The following MRPS11 variants were observed in gnomAD, a reference collection of about 807,000 sequenced individuals.
The protein encoded by MRPS11 is small ribosomal subunit protein uS11m.
A neutral mutation model predicts 24.3 loss-of-function variants in MRPS11; 27 were observed. The ratio of observed to expected loss-of-function variants is 1.11; its 90% CI spans 0.82 to 1.53. The LOEUF (loss-of-function observed/expected upper bound fraction) is 1.53, where lower values mean the gene tolerates loss of function less well. Ranked by LOEUF, MRPS11 falls within the 40% of genes most tolerant of loss-of-function variation. The pLI is 0.00. For synonymous variants in MRPS11, 104 were observed against 98.7 expected (o/e 1.05, Z -0.32); for missense variants, 277 against 256.5 (o/e 1.08, Z -0.55).
rs1361641681 is a variant in MRPS11, at chr15:88,477,076, A to T, written c.477+22A>T. On this transcript the variant is annotated intron_variant, in intron 5 of 5. Transcript: ENST00000325844. This position sits in a 1 kb window ranked among gnomAD's most constrained non-coding sequence, Gnocchi z 5.7. Reference sequence around the variant, plus strand: ...CTTGGTAAGTTACAGTGATTTCCATAGTGTACTTGCCTCCTAGTAAGTGTG... The same window carrying T: ...CTTGGTAAGTTACAGTGATTTCCATTGTGTACTTGCCTCCTAGTAAGTGTG... 2 of 1,611,720 alleles carry T rather than the reference A, an allele frequency of 1.2e-6. No individual in the cohort carries two copies. The highest frequency in any genetic ancestry group is 3.3e-5 in the Admixed American group (2 of 59,912).
chr15:88,474,193 GAA>G (rs976664767), intron 3 of MRPS11, among the ~76,000 whole-genome samples: 5 of 149,122 alleles, frequency 3.4e-5, no homozygotes, highest in African/African-American at 1.0e-4. Context: ...AAATAAAAAA[GAA>G]AAAAAGAGAA....
Position 88,475,269 on chromosome 15 carries a change from A to C in MRPS11, c.411+30A>C, listed in dbSNP as rs771295188. Reference sequence around the variant, plus strand: ...GTGTGTGTTCCTTCTGCTTCCTTCTAGTGTGTGTTTGCTTTCTGCATGGCT... The same window carrying C: ...GTGTGTGTTCCTTCTGCTTCCTTCTCGTGTGTGTTTGCTTTCTGCATGGCT... On this transcript the variant is annotated intron_variant, in intron 4 of 5. Transcript: ENST00000325844. This position sits in a 1 kb window ranked among gnomAD's most constrained non-coding sequence, Gnocchi z 4.1. 6.2e-7 allele frequency: 1 copy of C among 1,613,478 alleles called. No homozygotes were observed. The highest frequency in any genetic ancestry group is 8.5e-7 in the Non-Finnish European group (1 of 1,179,868).
In MRPS11 at chr15:88,475,087, T is replaced by C. The variant is rs1277332075; in HGVS notation, c.282-23T>C. On this transcript the variant is annotated intron_variant, in intron 3 of 5. Transcript: ENST00000325844. The surrounding 1 kb of genome is among the most constrained non-coding windows in gnomAD (Gnocchi z 4.1). ...TTCCCTGAAGAAGAGTTGTATCCTATGTGCTTCTTCTACTTTTCTCAGCAC... is the reference window on the plus strand; with the variant it reads ...TTCCCTGAAGAAGAGTTGTATCCTACGTGCTTCTTCTACTTTTCTCAGCAC... 3.1e-6 allele frequency: 5 copies of C among 1,613,958 alleles called. No homozygotes were observed. The highest frequency in any genetic ancestry group is 4.2e-6 in the Non-Finnish European group (5 of 1,179,852).
In MRPS11 at chr15:88,475,288, C is replaced by T. The variant is rs761835416; in HGVS notation, c.411+49C>T. The T allele has an allele frequency of 2.5e-6, 4 of 1,610,400 alleles. No individual in the cohort carries two copies. The highest frequency in any genetic ancestry group is 1.1e-5 in the South Asian group (1 of 90,708). On this transcript the variant is annotated intron_variant, in intron 4 of 5. Coordinates refer to ENST00000325844, the MANE Select transcript of MRPS11 (RefSeq NM_022839.5). This position sits in a 1 kb window ranked among gnomAD's most constrained non-coding sequence, Gnocchi z 4.1. Reference sequence around the variant, plus strand: ...CCTTCTAGTGTGTGTTTGCTTTCTGCATGGCTCATCACTGAGTGGAGAATC... The same window carrying T: ...CCTTCTAGTGTGTGTTTGCTTTCTGTATGGCTCATCACTGAGTGGAGAATC...
At position 88,475,333 on chromosome 15, in the gene MRPS11, A is replaced by G; in HGVS notation, c.411+94A>G. 1 of 1,541,160 alleles carries G rather than the reference A, an allele frequency of 6.5e-7. No individual in the cohort carries two copies. The highest frequency in any genetic ancestry group is 1.2e-5 in the South Asian group (1 of 82,792). On this transcript the variant is annotated intron_variant, in intron 4 of 5. Transcript: ENST00000325844. The surrounding 1 kb of genome is among the most constrained non-coding windows in gnomAD (Gnocchi z 4.1). Reference sequence around the variant, plus strand: ...AGAATCCTCATTATACTACCCATTCAGAAGCAAGGGTTTGTCATGGCAGCT... The same window carrying G: ...AGAATCCTCATTATACTACCCATTCGGAAGCAAGGGTTTGTCATGGCAGCT...
chr15:88,471,680 T>G (rs550401092), intron 2 of MRPS11, among the ~76,000 whole-genome samples: 33 of 152,328 alleles, frequency 2.2e-4, no homozygotes, highest in African/African-American at 7.5e-4. Context: ...AAGGATTTCT[T>G]AAGGCATTCT....
chr15:88,470,318 C>G (rs1386108173), intron 2 of MRPS11, among the ~76,000 whole-genome samples: 1 of 152,020 alleles, frequency 6.6e-6, no homozygotes, highest in Admixed American at 6.5e-5. Context: ...AAAAAACAAA[C>G]AAGCAAAAAA....
At chr15:88,473,120 T>G (rs990227830) in intron 3 of MRPS11, among the ~76,000 whole-genome samples, 2 of 152,196 alleles carry the variant, frequency 1.3e-5, no homozygotes, top group Non-Finnish European at 2.9e-5. Context: ...TATGATTTAT[T>G]AATACACTAA....
In MRPS11 at chr15:88,467,990, G is replaced by T; in HGVS notation, c.148G>T (p.Glu50Ter). 1 of 1,609,278 alleles carries T rather than the reference G, an allele frequency of 6.2e-7. No homozygotes were observed. Among genetic ancestry groups the T allele is most frequent in the South Asian group, 1.1e-5 (1 of 90,220 alleles). The stretch of plus-strand genomic sequence containing the variant: ...AGACGCTGCGGCCAAGCAGAAAGTT[G>T]AACAGAACGCGGCTCCCAGCCACAC... ...LQDAAAKQKV[E>*]QNAAPSHTKF... Residue 50 changes from glutamate (E) to a stop codon, truncating the protein, a stop_gained, in exon 2 of 6, where the codon GAA becomes TAA. Coordinates refer to ENST00000325844, the MANE Select transcript of MRPS11 (RefSeq NM_022839.5). LOFTEE classifies it high-confidence loss of function.
At chr15:88,471,746 T>C (rs1272480011) in intron 2 of MRPS11, among the ~76,000 whole-genome samples, 1 of 152,222 alleles carries the variant, frequency 6.6e-6, no homozygotes, top group Non-Finnish European at 1.5e-5. Flanking sequence ...ATAACTTAGC[T>C]AGAAATAGCC....
intron 4 of MRPS11, among the ~76,000 whole-genome samples, chr15:88,476,534 G>C (rs970575290): frequency 1.3e-5 from 2 of 152,176 alleles, no homozygotes; most frequent in East Asian, 3.8e-4. Context: ...GGTGAGTCAT[G>C]AATGATTTCT....
chr15:88,476,004 A>G (rs2055814864), intron 4 of MRPS11, among the ~76,000 whole-genome samples: 1 of 152,178 alleles, frequency 6.6e-6, no homozygotes, highest in Non-Finnish European at 1.5e-5. Flanking sequence ...TGGGAGAGAT[A>G]TGATAGTCTA....
intron 2 of MRPS11, among the ~76,000 whole-genome samples, chr15:88,471,808 G>A (rs2055710905): frequency 6.6e-6 from 1 of 152,236 alleles, no homozygotes; most frequent in African/African-American, 2.4e-5. Context: ...AACACAATGT[G>A]TTCACATCTG....
chr15:88,476,990 GAGCTAAACA>G lies in MRPS11; in HGVS notation c.415_423del (p.Ala139_Gln141del), dbSNP rs753975248. On this transcript the variant is annotated inframe_deletion and splice_region_variant, in exon 5 of 6. Transcript: ENST00000325844. ...ACTAACCACTCTGCTTCTCTCCAGA[GAGCTAAACA>G]AAAGGGCGTGATCCACATCCGAGTT... The G allele has an allele frequency of 1.2e-6, 2 of 1,613,814 alleles. No homozygotes were observed. The highest frequency in any genetic ancestry group is 1.7e-6 in the Non-Finnish European group (2 of 1,179,928).
chr15:88,467,826 C>T (rs951994139), intron 1 of MRPS11, 44 bp downstream of exon 1: 2 of 1,613,434 alleles, frequency 1.2e-6, no homozygotes, highest in African/African-American at 1.3e-5. Flanking sequence ...ACCTCCAGGA[C>T]TATGCTCCTA....
In MRPS11 at chr15:88,478,034, T is replaced by G. The variant is rs886161257; in HGVS notation, c.*55T>G. The G allele has an allele frequency of 7.2e-7, 1 of 1,385,984 alleles. No individual in the cohort carries two copies. Among genetic ancestry groups the G allele is most frequent in the Non-Finnish European group, 1.0e-6 (1 of 973,214 alleles). The allele number at this position is 1,385,984 out of a possible 1,614,324, so 85.9% of individuals were successfully genotyped here. ...CTCAAGCCTCAGCTCCAGTGGGACC[T>G]TGTAAAATGCTCCCTGTCAGAGCTC... On this transcript the variant is annotated 3_prime_UTR_variant, in exon 6 of 6. Coordinates refer to ENST00000325844, the MANE Select transcript of MRPS11 (RefSeq NM_022839.5). The surrounding 1 kb of genome is among the most constrained non-coding windows in gnomAD (Gnocchi z 4.7).
At chr15:88,468,384 A>G in intron 2 of MRPS11, 1 of 1,111,158 alleles carries the variant, frequency 9.0e-7, no homozygotes. Context: ...GGCGCTAGCG[A>G]TGGAACAGAT....
At chr15:88,473,764 CCTT>C (rs1237614660) in intron 3 of MRPS11, among the ~76,000 whole-genome samples, 4 of 152,222 alleles carry the variant, frequency 2.6e-5, no homozygotes, top group African/African-American at 4.8e-5. Context: ...TCTCCTGCCT[CCTT>C]CTGTGAGCTC....
chr15:88,477,820 G>T lies in MRPS11; in HGVS notation c.478-52G>T. Reference sequence around the variant, plus strand: ...CTCCGAACCCTGCCTGGAGACACTGGATCATCATTTCTGGGACCATGTCAT... The same window carrying T: ...CTCCGAACCCTGCCTGGAGACACTGTATCATCATTTCTGGGACCATGTCAT... On this transcript the variant is annotated intron_variant, in intron 5 of 5. Coordinates refer to ENST00000325844, the MANE Select transcript of MRPS11 (RefSeq NM_022839.5). This position sits in a 1 kb window ranked among gnomAD's most constrained non-coding sequence, Gnocchi z 5.7. 6.5e-7 allele frequency: 1 copy of T among 1,537,390 alleles called. No individual in the cohort carries two copies. Among genetic ancestry groups the T allele is most frequent in the Non-Finnish European group, 9.0e-7 (1 of 1,113,244 alleles).
Sources: allele counts gnomAD v4.1 joint callset (sites outside exome capture counted in the v4.1 genomes callset), GRCh38; gene constraint gnomAD v4.1.1; non-coding constraint Gnocchi (gnomAD v3.1); transcripts MANE v1.5; gene names NCBI Gene and HGNC (gene_info 2026-07-23, HGNC 2026-07-21).